The following CYFIP2 variants were observed in gnomAD, a reference collection of about 807,000 sequenced individuals.
CYFIP2 encodes cytoplasmic FMR1-interacting protein 2.
In CYFIP2, 29 loss-of-function variants were observed where a neutral mutation model predicts 158.7. That is an observed-to-expected ratio of 0.18 (90% CI 0.14 to 0.25). The LOEUF is 0.25. Ranked by LOEUF, CYFIP2 falls within the 10% of genes least tolerant of loss-of-function variation. CYFIP2 has a pLI of 1.00. For synonymous variants in CYFIP2, 585 were observed against 617.6 expected (o/e 0.95, Z 0.78); for missense variants, 852 against 1,639.5 (o/e 0.52, Z 8.29).
At position 157,389,200 on chromosome 5, in the gene CYFIP2, T is replaced by C. The variant is rs1456975218; in HGVS notation, c.3219T>C (p.Ile1073=). The C allele has an allele frequency of 1.2e-6, 2 of 1,610,514 alleles. No individual in the cohort carries two copies. The highest frequency in any genetic ancestry group is 2.2e-5 in the South Asian group (2 of 90,768). ...CCTTCTGTTTCCAGCAAATCGCCAT[T>C]GCTCGCGAGGGTGACCTCCTGACCA... ...ERLGTPQQIA[I]AREGDLLTKE... is the part of the protein sequence containing the mutation. The change falls in exon 29 of 31, where the codon ATT becomes ATC. Residue 1073 remains isoleucine, a synonymous_variant. Coordinates refer to ENST00000620254, the MANE Select transcript of CYFIP2 (RefSeq NM_001037333.3).
chr5:157,375,092 A>G (rs183268284), intron 26 of CYFIP2, among the ~76,000 whole-genome samples: 2 of 152,352 alleles, frequency 1.3e-5, no homozygotes, highest in Admixed American at 6.5e-5. Context: ...AAAGGCACCC[A>G]GGAATCCTCA....
chr5:157,300,687 A>G, intron 5 of CYFIP2, 28 bp from the exon 6 acceptor site: 1 of 1,524,030 alleles, frequency 6.6e-7, no homozygotes, highest in Non-Finnish European at 8.8e-7. Context: ...AGCACAGTGG[A>G]CCTTACTCAC....
chr5:157,306,254 T>G (rs1046529978), intron 8 of CYFIP2, among the ~76,000 whole-genome samples: 8 of 152,132 alleles, frequency 5.3e-5, no homozygotes, highest in African/African-American at 1.7e-4. Flanking sequence ...GCTTTGAGAC[T>G]TGTTCACTCT....
intron 13 of CYFIP2, among the ~76,000 whole-genome samples, chr5:157,318,383 T>C (rs926104000): frequency 6.6e-6 from 1 of 152,196 alleles, no homozygotes; most frequent in African/African-American, 2.4e-5. Context: ...CATTATTTAC[T>C]CCTTCCTTTT....
At chr5:157,305,670 T>C (rs2113904536) in intron 8 of CYFIP2, among the ~76,000 whole-genome samples, 1 of 152,152 alleles carries the variant, frequency 6.6e-6, no homozygotes, top group East Asian at 1.9e-4. Flanking sequence ...GCCACCACAC[T>C]CAGCTATTTT....
At chr5:157,384,808 C>T (rs561695310) in intron 28 of CYFIP2, 21 of 292,416 alleles carry the variant, frequency 7.2e-5, no homozygotes, top group Non-Finnish European at 1.2e-4. Context: ...GGCGTGGTGG[C>T]GGGCACTTGT....
intron 1 of CYFIP2, among the ~76,000 whole-genome samples, chr5:157,272,132 C>T (rs1262838502): frequency 6.6e-6 from 1 of 152,212 alleles, no homozygotes. Context: ...GTCCTTTAGC[C>T]CCCACCAAGA....
chr5:157,293,060 ATG>A (rs1342680392), intron 3 of CYFIP2, among the ~76,000 whole-genome samples: 17 of 140,472 alleles, frequency 1.2e-4, no homozygotes, highest in Admixed American at 4.8e-4. Context: ...GTATGTATGT[ATG>A]TATGTGTGTT....
At position 157,395,412 on chromosome 5, in the gene CYFIP2, A is replaced by G; in HGVS notation, c.*2412A>G. The G allele has an allele frequency of 2.7e-6, 1 of 365,732 alleles. No homozygotes were observed. Among genetic ancestry groups the G allele is most frequent in the Non-Finnish European group, 5.2e-6 (1 of 190,668 alleles). The allele number at this position is 365,732 out of a possible 1,614,324, so 22.7% of individuals were successfully genotyped here. A position where few individuals can be genotyped will look rare whatever the true frequency, so the allele number is the denominator to read the frequency against. ...TAAGAGTTGTTGGGAATTTTTGTAC[A>G]ATGAATTTACATTTATTTATGGTGA... On this transcript the variant is annotated 3_prime_UTR_variant, in exon 31 of 31. Transcript: ENST00000620254.
Position 157,389,173 on chromosome 5 carries a change from G to T in CYFIP2, c.3208-16G>T, listed in dbSNP as rs1767005689. On this transcript the variant is annotated splice_polypyrimidine_tract_variant and intron_variant, in intron 28 of 30. Coordinates refer to ENST00000620254, the MANE Select transcript of CYFIP2 (RefSeq NM_001037333.3). Reference sequence around the variant, plus strand: ...TAAGATGTGGATAGAAGGTGTATGTGCCCTTCTGTTTCCAGCAAATCGCCA... The same window carrying T: ...TAAGATGTGGATAGAAGGTGTATGTTCCCTTCTGTTTCCAGCAAATCGCCA... 1 of 1,592,014 alleles carries T rather than the reference G, an allele frequency of 6.3e-7. No individual in the cohort carries two copies. The highest frequency in any genetic ancestry group is 8.6e-7 in the Non-Finnish European group (1 of 1,165,602).
intron 28 of CYFIP2, among the ~76,000 whole-genome samples, chr5:157,386,108 G>T (rs898207591): frequency 1.3e-5 from 2 of 152,120 alleles, no homozygotes; most frequent in African/African-American, 4.8e-5. Context: ...TAACACACAC[G>T]GAAAAGTATC....
chr5:157,360,224 C>T (rs915227901), intron 24 of CYFIP2, 58 bp from the exon 25 acceptor site: 7 of 1,458,832 alleles, frequency 4.8e-6, no homozygotes, highest in East Asian at 2.3e-5. Context: ...TCAGCATAAC[C>T]TCCATACCCC....
chr5:157,352,622 T>C (rs1763143964), intron 23 of CYFIP2, among the ~76,000 whole-genome samples: 1 of 152,246 alleles, frequency 6.6e-6, no homozygotes, highest in African/African-American at 2.4e-5. Context: ...GTCACTTCAT[T>C]ACACTTGGGA....
chr5:157,294,266 C>T (rs1319073204), intron 3 of CYFIP2, among the ~76,000 whole-genome samples: 1 of 152,154 alleles, frequency 6.6e-6, no homozygotes, highest in East Asian at 1.9e-4. Flanking sequence ...CGAAATTCCT[C>T]CCAAAGTTAG....
chr5:157,353,717 T>C (rs1441440941), intron 23 of CYFIP2, among the ~76,000 whole-genome samples: 4 of 152,178 alleles, frequency 2.6e-5, no homozygotes, highest in Non-Finnish European at 5.9e-5. Context: ...CTGCAGCCAT[T>C]CCACCTAAAT....
At chr5:157,320,548 T>G in intron 14 of CYFIP2, 107 bp from the exon 15 acceptor site, 12 of 1,438,494 alleles carry the variant, frequency 8.3e-6, no homozygotes, top group Non-Finnish European at 1.1e-5. Flanking sequence ...ACCCCAAGAA[T>G]TCAAATGTGG....
intron 26 of CYFIP2, chr5:157,375,673 G>T (rs1363212671): frequency 4.1e-4 from 61 of 147,018 alleles, no homozygotes; most frequent in African/African-American, 1.5e-3. Context: ...TGTTGTTAGT[G>T]TATTTTATTT....
At chr5:157,390,777 C>T (rs1426264390) in intron 30 of CYFIP2, 109 bp downstream of exon 30, 35 of 1,503,954 alleles carry the variant, frequency 2.3e-5, no homozygotes, top group South Asian at 8.6e-5. Flanking sequence ...GCTCCCCACA[C>T]GGCAAGTACA....
intron 26 of CYFIP2, among the ~76,000 whole-genome samples, chr5:157,378,326 T>G (rs1765691958): frequency 6.7e-6 from 1 of 149,908 alleles, no homozygotes; most frequent in South Asian, 2.1e-4. Flanking sequence ...AGACTCTTGT[T>G]CTTCTTCAAA....
Sources: allele counts gnomAD v4.1 joint callset (sites outside exome capture counted in the v4.1 genomes callset), GRCh38; gene constraint gnomAD v4.1.1; transcripts MANE v1.5; gene names NCBI Gene and HGNC (gene_info 2026-07-23, HGNC 2026-07-21).